The following TMPRSS15 variants were observed in gnomAD, a reference collection of about 807,000 sequenced individuals.
TMPRSS15 encodes the protein enteropeptidase.
A neutral mutation model predicts 125.3 loss-of-function variants in TMPRSS15; 128 were observed. That is an observed-to-expected ratio of 1.02 (90% CI 0.89 to 1.18). TMPRSS15 has a LOEUF of 1.18. TMPRSS15 is among the 50% of genes most tolerant of loss of function. TMPRSS15 has a pLI of 0.00. For missense variants in TMPRSS15, 1,283 were observed against 1,212.7 expected (o/e 1.06, Z -0.86); for synonymous variants, 446 against 423.2 (o/e 1.05, Z -0.66).
At chr21:18,278,428 C>G (rs574236568) in intron 23 of TMPRSS15, among the ~76,000 whole-genome samples, 4 of 151,934 alleles carry the variant, frequency 2.6e-5, no homozygotes, top group Non-Finnish European at 5.9e-5. Context: ...AAAAACTCTA[C>G]AAATATATAG....
At chr21:18,450,110 C>G (rs553123477) in intron 1 of TMPRSS15, among the ~76,000 whole-genome samples, 1 of 151,996 alleles carries the variant, frequency 6.6e-6, no homozygotes, top group African/African-American at 2.4e-5. Flanking sequence ...AGTAAATGGC[C>G]GCAGCATATA....
Position 18,341,497 on chromosome 21 carries a change from C to T in TMPRSS15, c.1480G>A (p.Asp494Asn), listed in dbSNP as rs1175054408. 1 of 1,614,126 alleles carries T rather than the reference C, an allele frequency of 6.2e-7. No individual in the cohort carries two copies. The highest frequency in any genetic ancestry group is 2.2e-5 in the East Asian group (1 of 44,886). The stretch of plus-strand genomic sequence containing the variant: ...CAAATCCCATATGTTAGGCTAATGT[C>T]ATCCAACGCAATATCACTCAGGATC... ...NKILSDIALDDISLTYGICNG... is the reference protein window; with the variant it reads ...NKILSDIALDNISLTYGICNG... The change falls in exon 13 of 25, where the codon GAC becomes AAC. Residue 494 changes from aspartate (D) to asparagine (N), a missense_variant. Transcript: ENST00000284885.
intron 12 of TMPRSS15, among the ~76,000 whole-genome samples, chr21:18,342,421 A>G (rs887577181): frequency 6.6e-6 from 1 of 152,202 alleles, no homozygotes; most frequent in African/African-American, 2.4e-5. Flanking sequence ...AATTTCAAGG[A>G]GACTATGGTG....
intron 1 of TMPRSS15, among the ~76,000 whole-genome samples, chr21:18,420,429 G>A (rs941420030): frequency 1.3e-5 from 1 of 78,084 alleles, no homozygotes; most frequent in African/African-American, 4.7e-5. Flanking sequence ...GCTAGGGAAA[G>A]ATCTTCAATA....
chr21:18,294,232 G>T, intron 21 of TMPRSS15, 38 bp downstream of exon 21: 1 of 1,612,846 alleles, frequency 6.2e-7, no homozygotes, highest in Non-Finnish European at 8.5e-7. Context: ...CTGCTGTGGT[G>T]ACCTAGTTTG....
At chr21:18,394,506 T>A (rs979290282) in intron 3 of TMPRSS15, among the ~76,000 whole-genome samples, 2 of 151,966 alleles carry the variant, frequency 1.3e-5, no homozygotes, top group Non-Finnish European at 2.9e-5. Flanking sequence ...TAAATCTTCA[T>A]GTATGGCATT....
chr21:18,434,790 G>A (rs1165253755), intron 1 of TMPRSS15, among the ~76,000 whole-genome samples: 5 of 151,826 alleles, frequency 3.3e-5, no homozygotes, highest in African/African-American at 4.8e-5. Flanking sequence ...TTATTAAAAG[G>A]CACTATTAGT....
At chr21:18,292,833 G>A (rs1044528801) in intron 21 of TMPRSS15, among the ~76,000 whole-genome samples, 3 of 152,178 alleles carry the variant, frequency 2.0e-5, no homozygotes, top group African/African-American at 7.2e-5. Context: ...GAAGGGGATG[G>A]AAAAATTGCC....
intron 6 of TMPRSS15, among the ~76,000 whole-genome samples, chr21:18,369,321 G>A (rs2075769500): frequency 6.6e-6 from 1 of 152,124 alleles, no homozygotes; most frequent in Admixed American, 6.5e-5. Context: ...CCACCAAGCT[G>A]TATTATGCAT....
upstream of TMPRSS15, among the ~76,000 whole-genome samples, chr21:18,407,560 C>T (rs534090601): frequency 3.3e-5 from 5 of 151,614 alleles, no homozygotes; most frequent in Admixed American, 3.3e-4. Flanking sequence ...AATCCTCCCA[C>T]CTCAGCCTCC....
rs1414408531 is a variant in TMPRSS15, at chr21:18,316,937, C to T, written c.1922-1681G>A. ...TTTGGTTCCCTAACAATGGTGATGGCTGTCAGGTGTGGAGAGGCTCAATGT... is the reference window on the plus strand; with the variant it reads ...TTTGGTTCCCTAACAATGGTGATGGTTGTCAGGTGTGGAGAGGCTCAATGT... On this transcript the variant is annotated intron_variant, in intron 16 of 24. Coordinates refer to ENST00000284885, the MANE Select transcript of TMPRSS15 (RefSeq NM_002772.3). Among the ~76,000 whole-genome samples the T allele has an allele frequency of 2.6e-5, 4 of 152,102 alleles. No homozygotes were observed. The South Asian group carries it at 6.2e-4, about 24-fold the overall frequency.
At chr21:18,324,890 C>G (rs568746447) in intron 16 of TMPRSS15, among the ~76,000 whole-genome samples, 6 of 152,142 alleles carry the variant, frequency 3.9e-5, no homozygotes, top group African/African-American at 1.4e-4. Flanking sequence ...ACACCACAAA[C>G]AGAAGGAAAC....
At chr21:18,435,939 C>G (rs1270068400) in intron 1 of TMPRSS15, among the ~76,000 whole-genome samples, 1 of 151,150 alleles carries the variant, frequency 6.6e-6, no homozygotes, top group Non-Finnish European at 1.5e-5. Flanking sequence ...GTAGTATTCT[C>G]TGATGGTAGT....
chr21:18,305,313 C>T (rs376828654), intron 18 of TMPRSS15, among the ~76,000 whole-genome samples: 1 of 151,296 alleles, frequency 6.6e-6, no homozygotes, highest in African/African-American at 2.4e-5. Flanking sequence ...CTCAGCCTCC[C>T]GAGTAGCTGG....
rs546291758 is a variant in TMPRSS15 at position 18,402,478 on chromosome 21, G to A, written c.145+1000C>T. Among the ~76,000 whole-genome samples the A allele has an allele frequency of 7.1e-5, 10 of 140,252 alleles. No individual in the cohort carries two copies. The South Asian group carries it at 2.0e-3, about 28-fold the overall frequency. The allele number at this position is 140,252 out of a possible 152,430, so 92.0% of individuals were successfully genotyped here. A position where few individuals can be genotyped will look rare whatever the true frequency, so the allele number is the denominator to read the frequency against. ...CAGGAGGTGGAGGTTGCAGTGAGCC[G>A]AGATCGTGCCACTGCACTCCAGCCT... On this transcript the variant is annotated intron_variant, in intron 1 of 24. Transcript: ENST00000284885.
chr21:18,332,975 T>C (rs1031180117), intron 13 of TMPRSS15, among the ~76,000 whole-genome samples: 1 of 152,158 alleles, frequency 6.6e-6, no homozygotes, highest in African/African-American at 2.4e-5. Context: ...CCATTAACCT[T>C]AGCAAACTAA....
chr21:18,297,699 G>C, intron 19 of TMPRSS15, 35 bp downstream of exon 19: 2 of 1,493,382 alleles, frequency 1.3e-6, no homozygotes, highest in Non-Finnish European at 1.9e-6. Flanking sequence ...CCATGTCTAT[G>C]TACAACTAGT....
In TMPRSS15 at chr21:18,436,649, GACAA is replaced by G. The variant is rs1292370875; in HGVS notation, c.11-38324_11-38321del. 1.5e-4 allele frequency among the ~76,000 whole-genome samples: 23 copies of G among 150,962 alleles called. No individual in the cohort carries two copies. In the South Asian group the frequency reaches 2.3e-3, roughly 15 times the overall value. ...CAAGCATTCTTACACACCAATAACAGACAAACAGAGAGCCAAATCATGAGTGAAC... is the reference window on the plus strand; with the variant it reads ...CAAGCATTCTTACACACCAATAACAGACAGAGAGCCAAATCATGAGTGAAC... On this transcript the variant is annotated intron_variant, in intron 1 of 7. Coordinates refer to the TMPRSS15 transcript ENST00000422787.
At chr21:18,366,763 A>T (rs1019261466) in intron 6 of TMPRSS15, among the ~76,000 whole-genome samples, 1 of 152,150 alleles carries the variant, frequency 6.6e-6, no homozygotes, top group Non-Finnish European at 1.5e-5. Context: ...ACGGAGAAAC[A>T]TTAATGGAGG....
Sources: allele counts gnomAD v4.1 joint callset (sites outside exome capture counted in the v4.1 genomes callset), GRCh38; gene constraint gnomAD v4.1.1; transcripts MANE v1.5; gene names NCBI Gene and HGNC (gene_info 2026-07-23, HGNC 2026-07-21).